Variants in NRXN1 observed in about 807,000 individuals in gnomAD.
NRXN1 encodes neurexin-1.
Under a neutral mutation model 150.9 loss-of-function variants are expected in NRXN1, and 39 were observed. That is an observed-to-expected ratio of 0.26 (90% CI 0.20 to 0.34). The LOEUF (loss-of-function observed/expected upper bound fraction) is 0.34. Ranked by LOEUF, NRXN1 falls within the 10% of genes least tolerant of loss-of-function variation. The probability of loss-of-function intolerance (pLI) is 1.00; values close to 1 mark genes in which losing one functional copy is unlikely to be tolerated. For synonymous variants in NRXN1, 924 were observed against 757.0 expected (o/e 1.22, Z -3.62); for missense variants, 1,815 against 1,949.9 (o/e 0.93, Z 1.30).
chr2:50,471,482 C>A (rs2089459115), intron 16 of NRXN1, among the ~76,000 whole-genome samples: 1 of 151,898 alleles, frequency 6.6e-6, no homozygotes, highest in South Asian at 2.1e-4. Context: ...ATACATACCA[C>A]ATTTTCTTTA....
intron 18 of NRXN1, among the ~76,000 whole-genome samples, chr2:50,107,009 A>G (rs1701738174): frequency 6.6e-6 from 1 of 151,958 alleles, no homozygotes; most frequent in Admixed American, 6.6e-5. Flanking sequence ...TGCATACAGT[A>G]TCTGAGCATT....
intron 2 of NRXN1, among the ~76,000 whole-genome samples, chr2:50,979,432 G>T (rs1696426139): frequency 1.3e-5 from 2 of 152,078 alleles, no homozygotes; most frequent in South Asian, 4.1e-4. Flanking sequence ...TTCAGGACAT[G>T]AAACCAGGAC....
chr2:50,948,739 A>C (rs994596526), intron 2 of NRXN1, among the ~76,000 whole-genome samples: 1 of 152,020 alleles, frequency 6.6e-6, no homozygotes, highest in Non-Finnish European at 1.5e-5. Context: ...GCAGTCACTA[A>C]TTGAGCCCAG....
intron 5 of NRXN1, among the ~76,000 whole-genome samples, chr2:50,655,029 T>A (rs1686214257): frequency 6.6e-6 from 1 of 151,930 alleles, no homozygotes; most frequent in African/African-American, 2.4e-5. Context: ...GGAGAAAACA[T>A]GTCAGATCTT....
intron 5 of NRXN1, among the ~76,000 whole-genome samples, chr2:50,716,633 A>G (rs535569403): frequency 1.3e-5 from 2 of 152,198 alleles, no homozygotes; most frequent in Non-Finnish European, 2.9e-5. Context: ...CTAAATTATC[A>G]TATCTACTTC....
chr2:50,327,801 C>T (rs2076488778), intron 17 of NRXN1, among the ~76,000 whole-genome samples: 2 of 152,142 alleles, frequency 1.3e-5, no homozygotes, highest in African/African-American at 4.8e-5. Flanking sequence ...AGGCATGAGC[C>T]ACCTTGCCTG....
At chr2:50,122,275 A>T (rs1703965796) in intron 18 of NRXN1, among the ~76,000 whole-genome samples, 1 of 152,342 alleles carries the variant, frequency 6.6e-6, no homozygotes, top group African/African-American at 2.4e-5. Flanking sequence ...TAAGGGAGAA[A>T]CTGAGATCCT....
intron 17 of NRXN1, among the ~76,000 whole-genome samples, chr2:50,394,756 G>A (rs76265789): frequency 0.015 from 2,229 of 152,082 alleles, 55 homozygotes; most frequent in African/African-American, 0.049. Flanking sequence ...AACACACTTA[G>A]GGTAAAATTC....
intron 17 of NRXN1, among the ~76,000 whole-genome samples, chr2:50,289,023 G>C (rs1231864380): frequency 6.6e-6 from 1 of 152,110 alleles, no homozygotes; most frequent in African/African-American, 2.4e-5. Flanking sequence ...GCAATTCCCG[G>C]GTTTCTGCTT....
At chr2:50,271,321 G>C (rs1053398961) in intron 17 of NRXN1, among the ~76,000 whole-genome samples, 2 of 152,166 alleles carry the variant, frequency 1.3e-5, no homozygotes, top group African/African-American at 4.8e-5. Flanking sequence ...TATATTTTCT[G>C]TCTACAGAGG....
chr2:50,150,414 T>C (rs1292562552), intron 18 of NRXN1, among the ~76,000 whole-genome samples: 2 of 151,794 alleles, frequency 1.3e-5, no homozygotes, highest in African/African-American at 2.4e-5. Flanking sequence ...GTATTGTCTA[T>C]TTTTTTCTAC....
intron 17 of NRXN1, among the ~76,000 whole-genome samples, chr2:50,325,217 A>G (rs2076307741): frequency 6.6e-6 from 1 of 152,162 alleles, no homozygotes; most frequent in South Asian, 2.1e-4. Flanking sequence ...GTCCAGTGAC[A>G]TAAATGCCAA....
At chr2:51,003,254 G>A (rs764218438) in intron 2 of NRXN1, among the ~76,000 whole-genome samples, 14 of 151,846 alleles carry the variant, frequency 9.2e-5, no homozygotes, top group Non-Finnish European at 1.3e-4. Flanking sequence ...CCAGTTAGGG[G>A]CACCAATAAA....
intron 15 of NRXN1, among the ~76,000 whole-genome samples, chr2:50,480,061 C>T (rs574055865): frequency 6.6e-6 from 1 of 152,312 alleles, no homozygotes; most frequent in South Asian, 2.1e-4. Context: ...GCGTAAGCCA[C>T]CATGCCCGGC....
intron 19 of NRXN1, among the ~76,000 whole-genome samples, chr2:50,055,910 G>T (rs1054970784): frequency 6.6e-6 from 1 of 152,174 alleles, no homozygotes; most frequent in Non-Finnish European, 1.5e-5. Context: ...CTAAGTGAGA[G>T]CCCTGCTTCT....
chr2:50,897,745 C>T (rs988558788), intron 5 of NRXN1, among the ~76,000 whole-genome samples: 12 of 152,000 alleles, frequency 7.9e-5, no homozygotes, highest in African/African-American at 1.7e-4. Context: ...TTGCCCAGAT[C>T]CAAGGGAAGG....
chr2:50,864,944 C>G (rs1676668624), intron 5 of NRXN1, among the ~76,000 whole-genome samples: 1 of 151,924 alleles, frequency 6.6e-6, no homozygotes, highest in South Asian at 2.1e-4. Flanking sequence ...TCGATGCTGA[C>G]AGTGTAGGGA....
At chr2:50,007,533 C>A (rs568294382) in intron 21 of NRXN1, among the ~76,000 whole-genome samples, 1 of 152,278 alleles carries the variant, frequency 6.6e-6, no homozygotes, top group South Asian at 2.1e-4. Flanking sequence ...TTTCCAGCTT[C>A]ATCCATGTCC....
chr2:50,843,548 T>C (rs573101929), intron 5 of NRXN1, among the ~76,000 whole-genome samples: 1 of 152,332 alleles, frequency 6.6e-6, no homozygotes, highest in Admixed American at 6.5e-5. Flanking sequence ...ATTGTCCCAC[T>C]TGCCATTTCA....
Sources: gnomAD v4.1 joint callset for allele counts (sites outside exome capture counted in the v4.1 genomes callset) on GRCh38, gnomAD v4.1.1 for gene constraint, MANE v1.5 for transcripts, NCBI Gene and HGNC (gene_info 2026-07-23, HGNC 2026-07-21) for gene names.